Variants in LRRTM4 observed in about 807,000 individuals in gnomAD.
LRRTM4 encodes leucine-rich repeat transmembrane neuronal protein 4.
LRRTM4 carries 25 observed loss-of-function variants against 47.6 expected under a neutral mutation model. The ratio of observed to expected loss-of-function variants is 0.53; its 90% confidence interval spans 0.38 to 0.73. The LOEUF is 0.73. Among genes scored for constraint, LRRTM4 ranks in the 30% least tolerant of loss-of-function variants. LRRTM4 has a pLI of 0.00. For synonymous variants in LRRTM4, 311 were observed against 269.5 expected (o/e 1.15, Z -1.51); for missense variants, 638 against 713.4 (o/e 0.89, Z 1.20).
chr2:77,102,942 A>T (rs1280017541), intron 3 of LRRTM4, among the ~76,000 whole-genome samples: 2 of 152,202 alleles, frequency 1.3e-5, no homozygotes, highest in Non-Finnish European at 2.9e-5. Context: ...TGTGTCAGAG[A>T]CCATGTGACA....
chr2:76,990,153 A>G (rs567411456), intron 3 of LRRTM4, among the ~76,000 whole-genome samples: 1 of 151,908 alleles, frequency 6.6e-6, no homozygotes, highest in Admixed American at 6.6e-5. Context: ...TTGTGAAAAA[A>G]TAAGTAACAC....
At chr2:77,242,943 T>A (rs1675310403) in intron 3 of LRRTM4, among the ~76,000 whole-genome samples, 1 of 152,138 alleles carries the variant, frequency 6.6e-6, no homozygotes, top group African/African-American at 2.4e-5. Flanking sequence ...GCAGCATTAT[T>A]CAGAATAGCC....
At chr2:76,800,098 A>C (rs1172327560) in intron 3 of LRRTM4, among the ~76,000 whole-genome samples, 1 of 150,908 alleles carries the variant, frequency 6.6e-6, no homozygotes, top group Non-Finnish European at 1.5e-5. Flanking sequence ...ATTGGAAAAA[A>C]CTACTTTAAA....
intron 3 of LRRTM4, among the ~76,000 whole-genome samples, chr2:77,047,272 T>C (rs1339732633): frequency 6.6e-6 from 1 of 151,106 alleles, no homozygotes; most frequent in East Asian, 1.9e-4. Context: ...TATTTCTCTT[T>C]TTTTCACAGG....
intron 3 of LRRTM4, among the ~76,000 whole-genome samples, chr2:77,323,295 C>T (rs13402802): frequency 0.16 from 24,554 of 152,054 alleles, 2,521 homozygotes; most frequent in East Asian, 0.42. Flanking sequence ...TGGAAAGAGG[C>T]CAGCATTTTA....
intron 3 of LRRTM4, among the ~76,000 whole-genome samples, chr2:77,010,770 G>C (rs1340054866): frequency 6.6e-6 from 1 of 152,062 alleles, no homozygotes; most frequent in Non-Finnish European, 1.5e-5. Context: ...GAGAATATTT[G>C]TTAAATGAAT....
chr2:76,992,091 C>A (rs888787015), intron 3 of LRRTM4, among the ~76,000 whole-genome samples: 1 of 151,702 alleles, frequency 6.6e-6, no homozygotes, highest in East Asian at 1.9e-4. Flanking sequence ...AACATCCCTG[C>A]ACGATAAAAA....
At chr2:76,808,551 T>C (rs1031448203) in intron 3 of LRRTM4, among the ~76,000 whole-genome samples, 1 of 152,206 alleles carries the variant, frequency 6.6e-6, no homozygotes, top group African/African-American at 2.4e-5. Context: ...GTCTTTTATT[T>C]ATTGATGCAA....
chr2:76,895,823 G>T (rs1401452209), intron 3 of LRRTM4, among the ~76,000 whole-genome samples: 2 of 152,016 alleles, frequency 1.3e-5, no homozygotes, highest in Non-Finnish European at 2.9e-5. Flanking sequence ...GTGGAGGGTG[G>T]TAACACAACC....
chr2:76,852,911 CCTTT>C (rs1672039631), intron 3 of LRRTM4, among the ~76,000 whole-genome samples: 1 of 152,056 alleles, frequency 6.6e-6, no homozygotes. Flanking sequence ...TGAAAAGTGA[CCTTT>C]CTTTCAGACA....
At chr2:76,980,151 G>A (rs1287435606) in intron 3 of LRRTM4, among the ~76,000 whole-genome samples, 1 of 151,998 alleles carries the variant, frequency 6.6e-6, no homozygotes, top group Non-Finnish European at 1.5e-5. Flanking sequence ...GCAGATGGAG[G>A]ATTATATAAA....
intron 3 of LRRTM4, among the ~76,000 whole-genome samples, chr2:77,366,101 C>G (rs1335809781): frequency 6.6e-6 from 1 of 151,490 alleles, no homozygotes; most frequent in Non-Finnish European, 1.5e-5. Flanking sequence ...TAATGAATCT[C>G]CTAGTCATAG....
chr2:77,371,892 T>C (rs1672669070), intron 3 of LRRTM4, among the ~76,000 whole-genome samples: 1 of 151,876 alleles, frequency 6.6e-6, no homozygotes, highest in South Asian at 2.1e-4. Flanking sequence ...GCTAACAAGC[T>C]AGTGTGCTAG....
chr2:77,099,419 T>C (rs990901873), intron 3 of LRRTM4, among the ~76,000 whole-genome samples: 1 of 151,956 alleles, frequency 6.6e-6, no homozygotes, highest in African/African-American at 2.4e-5. Context: ...CATATCAATA[T>C]TATACATGGT....
At chr2:77,078,523 T>C (rs772394677) in intron 3 of LRRTM4, among the ~76,000 whole-genome samples, 1 of 152,124 alleles carries the variant, frequency 6.6e-6, no homozygotes, top group Non-Finnish European at 1.5e-5. Flanking sequence ...AGTGTATATA[T>C]TTTTATAATC....
intron 3 of LRRTM4, among the ~76,000 whole-genome samples, chr2:76,818,926 A>C (rs1483001435): frequency 6.6e-6 from 1 of 151,780 alleles, no homozygotes; most frequent in Non-Finnish European, 1.5e-5. Context: ...TAGTAAAGTC[A>C]GTTTTAATAG....
chr2:77,287,463 A>T (rs1000618694), intron 3 of LRRTM4, among the ~76,000 whole-genome samples: 1 of 149,552 alleles, frequency 6.7e-6, no homozygotes, highest in African/African-American at 2.5e-5. Context: ...CAAGTACAGT[A>T]GTCCCCTTTT....
At chr2:77,153,079 C>A (rs927177086) in intron 3 of LRRTM4, among the ~76,000 whole-genome samples, 1 of 152,110 alleles carries the variant, frequency 6.6e-6, no homozygotes, top group African/African-American at 2.4e-5. Flanking sequence ...TCATCTCCAC[C>A]CTACTTACAG....
chr2:77,443,645 T>G (rs1675933001), intron 3 of LRRTM4, among the ~76,000 whole-genome samples: 1 of 152,092 alleles, frequency 6.6e-6, no homozygotes, highest in African/African-American at 2.4e-5. Flanking sequence ...AAACATAGTA[T>G]ATGAAGCATT....
Sources: allele counts gnomAD v4.1 joint callset (sites outside exome capture counted in the v4.1 genomes callset), GRCh38; gene constraint gnomAD v4.1.1; transcripts MANE v1.5; gene names NCBI Gene and HGNC (gene_info 2026-07-23, HGNC 2026-07-21).